Variants in GABRG3 observed in about 807,000 individuals in gnomAD.
GABRG3 encodes the protein gamma-aminobutyric acid receptor subunit gamma-3.
A neutral mutation model predicts 48.8 loss-of-function variants in GABRG3; 25 were observed. The ratio of observed to expected loss-of-function variants is 0.51; its 90% CI spans 0.37 to 0.72. The LOEUF is 0.72. GABRG3 is among the 30% of genes least tolerant of loss of function. The pLI, the probability that GABRG3 is intolerant of heterozygous loss-of-function variation, is 0.00. For missense variants in GABRG3, 394 were observed against 577.9 expected, an observed-to-expected ratio of 0.68 and a Z score of 3.26; for synonymous variants, 227 against 217.6, an observed-to-expected ratio of 1.04 and a Z score of -0.38.
chr15:27,260,913 G>A (rs758179688), intron 3 of GABRG3, among the ~76,000 whole-genome samples: 4 of 152,108 alleles, frequency 2.6e-5, no homozygotes, highest in Non-Finnish European at 5.9e-5. Context: ...GGTATGACAC[G>A]GGGCAGCACA....
chr15:27,079,693 TA>T (rs1193287848), intron 3 of GABRG3, among the ~76,000 whole-genome samples: 1 of 151,964 alleles, frequency 6.6e-6, no homozygotes, highest in Non-Finnish European at 1.5e-5. Context: ...TGGACAGAAT[TA>T]AAAAAATAAT....
chr15:27,309,821 C>T (rs968225678), intron 3 of GABRG3, among the ~76,000 whole-genome samples: 7 of 151,840 alleles, frequency 4.6e-5, no homozygotes, highest in Admixed American at 1.3e-4. Context: ...GGATATTCAG[C>T]CTAGAGAGAT....
At chr15:27,225,682 T>A (rs1889590623) in intron 3 of GABRG3, among the ~76,000 whole-genome samples, 1 of 151,774 alleles carries the variant, frequency 6.6e-6, no homozygotes, top group Non-Finnish European at 1.5e-5. Flanking sequence ...CCAGGAATGG[T>A]GTGAGGGACT....
intron 5 of GABRG3, among the ~76,000 whole-genome samples, chr15:27,424,427 C>T (rs1888227138): frequency 6.6e-6 from 1 of 152,216 alleles, no homozygotes; most frequent in Non-Finnish European, 1.5e-5. Context: ...GCTGCTGTGT[C>T]CTCACATGGC....
chr15:27,246,480 T>G (rs1890274034), intron 3 of GABRG3, among the ~76,000 whole-genome samples: 1 of 152,222 alleles, frequency 6.6e-6, no homozygotes, highest in Admixed American at 6.5e-5. Context: ...TTTCATTCTC[T>G]AAAGGTTACG....
intron 3 of GABRG3, among the ~76,000 whole-genome samples, chr15:27,266,183 ATT>A (rs34325172): frequency 2.6e-5 from 4 of 150,956 alleles, no homozygotes; most frequent in Admixed American, 6.6e-5. Flanking sequence ...CCTGGACCTG[ATT>A]TTTTTTTTCT....
chr15:27,235,428 T>C (rs1889929366), intron 3 of GABRG3, among the ~76,000 whole-genome samples: 1 of 150,684 alleles, frequency 6.6e-6, no homozygotes. Context: ...TTGCTCCACA[T>C]GGCTCACTGT....
At chr15:27,132,575 G>T (rs1349213208) in intron 3 of GABRG3, among the ~76,000 whole-genome samples, 2 of 144,042 alleles carry the variant, frequency 1.4e-5, no homozygotes, top group Admixed American at 7.1e-5. Context: ...ATTTCATCTG[G>T]GTTTTCTATT....
rs1895143582 is a variant in GABRG3, at chr15:26,985,951, G to A, written c.202+8801G>A. 2.0e-5 allele frequency among the ~76,000 whole-genome samples: 3 copies of A among 152,286 alleles called. No individual in the cohort carries two copies. In the South Asian group the frequency reaches 6.2e-4, roughly 32 times the overall value. ...AGGAAGTGGGAGTTGGAGGTAGAGT[G>A]TGAGATATTTTGGGGTCCCTCGATC... On this transcript the variant is annotated intron_variant, in intron 2 of 9. Transcript: ENST00000615808.
At chr15:27,448,128 T>TTA (rs1555383125) in intron 5 of GABRG3, among the ~76,000 whole-genome samples, 4 of 152,010 alleles carry the variant, frequency 2.6e-5, no homozygotes, top group East Asian at 1.9e-4. Flanking sequence ...ACGTTTTTTT[T>TTA]AAAAAAAGGA....
In GABRG3 at chr15:27,480,522, G is replaced by T. The variant is rs570958383; in HGVS notation, c.575-128G>T. 8 of 835,510 alleles carry T rather than the reference G, an allele frequency of 9.6e-6. No individual in the cohort carries two copies. The African/African-American group carries it at 1.4e-4, about 14-fold the overall frequency. The allele number at this position is 835,510 out of a possible 1,614,324, so 51.8% of individuals were successfully genotyped here. A position where few individuals can be genotyped will look rare whatever the true frequency, so the allele number is the denominator to read the frequency against. On this transcript the variant is annotated intron_variant, in intron 5 of 9. Coordinates refer to ENST00000615808, the MANE Select transcript of GABRG3 (RefSeq NM_033223.5). The stretch of plus-strand genomic sequence containing the variant: ...AGTTTCTGTGTCTTGGAGGAAAATT[G>T]AGAGTGCACATATGGCCTAAAAGTT...
rs1158587057 is a variant in GABRG3, at chr15:27,319,029, C to A, written c.271-7780C>A. On this transcript the variant is annotated intron_variant, in intron 3 of 9. Coordinates refer to ENST00000615808, the MANE Select transcript of GABRG3 (RefSeq NM_033223.5). This position sits in a 1 kb window ranked among gnomAD's most constrained non-coding sequence, Gnocchi z 4.4. ...TGCTAACAATATTGTATACTTGTAA[C>A]TGGCTAAGAGGGTAGATCATAAATG... Among the ~76,000 whole-genome samples the A allele has an allele frequency of 6.6e-6, 1 of 152,142 alleles. No individual in the cohort carries two copies. The highest frequency in any genetic ancestry group is 1.9e-4 in the East Asian group (1 of 5,196).
chr15:27,102,994 T>C (rs142785200), intron 3 of GABRG3, among the ~76,000 whole-genome samples: 64 of 152,334 alleles, frequency 4.2e-4, no homozygotes, highest in African/African-American at 1.3e-3. Flanking sequence ...TGTTTTGGAT[T>C]ATTATCCTGT....
At chr15:27,022,467 GAAGATCATC>G (rs1895913334) in intron 2 of GABRG3, among the ~76,000 whole-genome samples, 1 of 152,200 alleles carries the variant, frequency 6.6e-6, no homozygotes, top group South Asian at 2.1e-4. Flanking sequence ...ATTACCATAT[GAAGATCATC>G]AGGAGAGGGG....
At chr15:27,038,361 C>T (rs1358837279) in intron 3 of GABRG3, among the ~76,000 whole-genome samples, 1 of 152,168 alleles carries the variant, frequency 6.6e-6, no homozygotes, top group African/African-American at 2.4e-5. Flanking sequence ...CATGGTCTCT[C>T]AGTCATGTCA....
At chr15:27,203,212 G>C (rs1301010473) in intron 3 of GABRG3, among the ~76,000 whole-genome samples, 1 of 151,978 alleles carries the variant, frequency 6.6e-6, no homozygotes, top group Middle Eastern at 3.2e-3. Context: ...CCACCTTCAA[G>C]TAAGCCCCAG....
chr15:27,366,917 C>T (rs2140552087), intron 5 of GABRG3, among the ~76,000 whole-genome samples: 1 of 152,292 alleles, frequency 6.6e-6, no homozygotes, highest in African/African-American at 2.4e-5. Flanking sequence ...CAGCCTGCTC[C>T]TCAGTGTCAC....
chr15:27,013,813 T>C (rs1276304180), intron 2 of GABRG3, among the ~76,000 whole-genome samples: 2 of 152,102 alleles, frequency 1.3e-5, no homozygotes, highest in Non-Finnish European at 2.9e-5. Flanking sequence ...CTTTCTTTTT[T>C]TTCCCCCAGG....
intron 3 of GABRG3, among the ~76,000 whole-genome samples, chr15:27,084,220 C>T (rs1897038758): frequency 1.3e-5 from 2 of 152,222 alleles, no homozygotes; most frequent in Admixed American, 1.3e-4. Context: ...TGTCCTTGAG[C>T]CTTTTGGGAT....
Sources: allele counts gnomAD v4.1 joint callset (sites outside exome capture counted in the v4.1 genomes callset), GRCh38; gene constraint gnomAD v4.1.1; non-coding constraint Gnocchi (gnomAD v3.1); transcripts MANE v1.5; gene names NCBI Gene and HGNC (gene_info 2026-07-23, HGNC 2026-07-21).